CKAP2L: variants seen among roughly 807,000 people sequenced by gnomAD.
CKAP2L encodes cytoskeleton associated protein 2L.
A neutral mutation model predicts 65.7 loss-of-function variants in CKAP2L; 42 were observed. The observed-to-expected ratio is 0.64, with a 90% CI of 0.50 to 0.83. The LOEUF (loss-of-function observed/expected upper bound fraction) is 0.83. Among genes scored for constraint, CKAP2L ranks in the 40% least tolerant of loss-of-function variants. The pLI, the probability that CKAP2L is intolerant of heterozygous loss-of-function variation, is 0.00. For synonymous variants in CKAP2L, 325 were observed against 313.5 expected (o/e 1.04, Z -0.39); for missense variants, 908 against 871.0 (o/e 1.04, Z -0.53).
chr2:112,741,940 G>GTTTTTTTTTTT, intron 7 of CKAP2L, among the ~76,000 whole-genome samples: 1 of 71,900 alleles, frequency 1.4e-5, no homozygotes, highest in Non-Finnish European at 2.5e-5. Flanking sequence ...TTTCTTTTCT[G>GTTTTTTTTTTT]TTTTTTTTTT....
At chr2:112,761,086 C>G (rs996379815) in intron 2 of CKAP2L, among the ~76,000 whole-genome samples, 1 of 151,968 alleles carries the variant, frequency 6.6e-6, no homozygotes, top group Non-Finnish European at 1.5e-5. Context: ...TAGTCTTACT[C>G]ATTCACACAT....
chr2:112,753,103 T>A (rs529051874), intron 4 of CKAP2L, among the ~76,000 whole-genome samples: 1 of 152,176 alleles, frequency 6.6e-6, no homozygotes, highest in Non-Finnish European at 1.5e-5. Flanking sequence ...CCAAGACATA[T>A]AGACCTCATG....
intron 8 of CKAP2L, 58 bp from the exon 9 acceptor site, chr2:112,739,106 T>A: frequency 1.5e-6 from 2 of 1,305,984 alleles, no homozygotes; most frequent in Non-Finnish European, 2.2e-6. Context: ...TTATCTTTAT[T>A]ATTTTTTGTT....
chr2:112,756,450 C>T lies in CKAP2L; in HGVS notation c.921G>A (p.Arg307=). 2 of 1,613,388 alleles carry T rather than the reference C, an allele frequency of 1.2e-6. No individual in the cohort carries two copies. The highest frequency in any genetic ancestry group is 1.1e-5 in the South Asian group (1 of 90,914). The change falls in exon 4 of 9, where the codon AGG becomes AGA. Residue 307 remains arginine, a synonymous_variant. Transcript: ENST00000302450. ...TTTCATTTGGTCTTTCATATTGACT[C>T]CTATTAACCTTTATATCTTTGATGT... ...VKNIKDIKVN[R]SQYERPNETK...
At position 112,760,775 on chromosome 2, in the gene CKAP2L, C is replaced by A. The variant is rs766275387; in HGVS notation, c.105-11G>T. 4.2e-6 allele frequency: 6 copies of A among 1,432,026 alleles called. No individual in the cohort carries two copies. The highest frequency in any genetic ancestry group is 5.8e-6 in the Non-Finnish European group (6 of 1,031,896). 88.7% of individuals were successfully genotyped at this position (1,432,026 alleles called of 1,614,324 possible). A position where few individuals can be genotyped will look rare whatever the true frequency, so the allele number is the denominator to read the frequency against. Reference sequence around the variant, plus strand: ...GATTTTAGATAAGGCCTATAAAAGACAAATTAAAATTAATCCTCAGCACAG... The same window carrying A: ...GATTTTAGATAAGGCCTATAAAAGAAAAATTAAAATTAATCCTCAGCACAG... On this transcript the variant is annotated splice_polypyrimidine_tract_variant and intron_variant, in intron 2 of 8. Coordinates refer to ENST00000302450, the MANE Select transcript of CKAP2L (RefSeq NM_152515.5).
chr2:112,759,258 T>C (rs1680637424), intron 3 of CKAP2L, among the ~76,000 whole-genome samples: 1 of 152,224 alleles, frequency 6.6e-6, no homozygotes. Context: ...GTGTCCTGGT[T>C]TGGACATTAA....
At chr2:112,751,167 T>G (rs1211707834) in intron 5 of CKAP2L, among the ~76,000 whole-genome samples, 1 of 152,180 alleles carries the variant, frequency 6.6e-6, no homozygotes, top group Non-Finnish European at 1.5e-5. Flanking sequence ...ATAAAAATAA[T>G]TCTCATGTCA....
In CKAP2L at chr2:112,753,689, G is replaced by A. The variant is rs112075877; in HGVS notation, c.1395-1215C>T. ...ATTACAGGCGCGTGCCACCACACCCGGCTAATTTTTGTATTTTTAGTAGAG... is the reference window on the plus strand; with the variant it reads ...ATTACAGGCGCGTGCCACCACACCCAGCTAATTTTTGTATTTTTAGTAGAG... On this transcript the variant is annotated intron_variant, in intron 4 of 8. Coordinates refer to ENST00000302450, the MANE Select transcript of CKAP2L (RefSeq NM_152515.5). 9.3e-3 allele frequency among the ~76,000 whole-genome samples: 1,415 copies of A among 151,828 alleles called. 20 individuals carry two copies. The highest frequency in any genetic ancestry group is 0.033 in the African/African-American group (1,346 of 41,406).
chr2:112,751,685 T>C, intron 5 of CKAP2L, among the ~76,000 whole-genome samples: 1 of 152,200 alleles, frequency 6.6e-6, no homozygotes, highest in East Asian at 1.9e-4. Context: ...AAGGACTGAA[T>C]GAGTTTTGCT....
chr2:112,763,030 C>CCT (rs1425528471), intron 1 of CKAP2L, among the ~76,000 whole-genome samples: 1 of 152,196 alleles, frequency 6.6e-6, no homozygotes, highest in East Asian at 1.9e-4. Flanking sequence ...AAGTGACCCT[C>CCT]CTGCTTTGGC....
chr2:112,756,498 T>A lies in CKAP2L; in HGVS notation c.873A>T (p.Ser291=). Residue 291 remains serine, a synonymous_variant, in exon 4 of 9, where the codon TCA becomes TCT. Transcript: ENST00000302450. ...TGTTCTTGACTACTGGTTTCTTTGA[T>A]GACTGAACTTTACTAAGGGTCCGAA... ...HFIRTLSKVQ[S]SKKPVVKNIK... 1 of 1,609,152 alleles carries A rather than the reference T, an allele frequency of 6.2e-7. No homozygotes were observed. Among genetic ancestry groups the A allele is most frequent in the South Asian group, 1.1e-5 (1 of 90,076 alleles).
At position 112,756,050 on chromosome 2, in the gene CKAP2L, C is replaced by G. The variant is rs773843677; in HGVS notation, c.1321G>C (p.Ala441Pro). 1 of 1,613,414 alleles carries G rather than the reference C, an allele frequency of 6.2e-7. No homozygotes were observed. Among genetic ancestry groups the G allele is most frequent in the Non-Finnish European group, 8.5e-7 (1 of 1,179,870 alleles). Residue 441 changes from alanine (A) to proline (P), a missense_variant, in exon 4 of 9, where the codon GCT becomes CCT. By Grantham distance (27) the Ala-to-Pro change is conservative. Coordinates refer to ENST00000302450, the MANE Select transcript of CKAP2L (RefSeq NM_152515.5). ...GTCCCATTTACGGTTGTGACATCAG[C>G]TTGAGTTTTGGGAGCTGTCTTGTTC... ...FLNKTAPKTQADVTTVNGTQT... is the reference protein window; with the variant it reads ...FLNKTAPKTQPDVTTVNGTQT...
intron 5 of CKAP2L, among the ~76,000 whole-genome samples, chr2:112,747,427 T>G (rs1177031616): frequency 6.6e-6 from 1 of 152,160 alleles, no homozygotes; most frequent in Non-Finnish European, 1.5e-5. Flanking sequence ...CACTGAGTAG[T>G]GATGAGAATT....
At chr2:112,752,537 T>C in intron 4 of CKAP2L, 63 bp from the exon 5 acceptor site, 1 of 965,476 alleles carries the variant, frequency 1.0e-6, no homozygotes. Context: ...GCTGCTAAAG[T>C]ATATGATATG....
At chr2:112,747,044 C>A (rs1022192704) in intron 5 of CKAP2L, among the ~76,000 whole-genome samples, 6 of 151,730 alleles carry the variant, frequency 4.0e-5, no homozygotes, top group Non-Finnish European at 7.4e-5. Flanking sequence ...CCACCTCAGC[C>A]TCTTAACGTG....
chr2:112,762,636 T>C, intron 1 of CKAP2L, 67 bp from the exon 2 acceptor site: 1 of 1,292,548 alleles, frequency 7.7e-7, no homozygotes, highest in Non-Finnish European at 1.1e-6. Context: ...TCATTAATAT[T>C]CTAAAAGATG....
intron 7 of CKAP2L, chr2:112,742,387 A>T: frequency 1.4e-6 from 1 of 717,468 alleles, no homozygotes; most frequent in Non-Finnish European, 2.6e-6. Flanking sequence ...CATGTAACTT[A>T]AGGCATTTCT....
rs181470856 is a variant in CKAP2L, at chr2:112,741,791, G to A, written c.1823-784C>T. Among the ~76,000 whole-genome samples the A allele has an allele frequency of 3.3e-5, 5 of 151,614 alleles. No individual in the cohort carries two copies. In the East Asian group the frequency reaches 9.7e-4, roughly 29 times the overall value. On this transcript the variant is annotated intron_variant, in intron 7 of 8. Coordinates refer to ENST00000302450, the MANE Select transcript of CKAP2L (RefSeq NM_152515.5). ...CTCTTTTTTTTTGAGATGGAGTTTC[G>A]CTCTTGTTGTCCAGGCTGGAGTGCA...
intron 5 of CKAP2L, among the ~76,000 whole-genome samples, chr2:112,750,886 A>G (rs1295228028): frequency 1.3e-5 from 2 of 152,128 alleles, no homozygotes; most frequent in Non-Finnish European, 2.9e-5. Flanking sequence ...AGATGCAGAC[A>G]TTGATGCAAG....
Sources: gnomAD v4.1 joint callset for allele counts (sites outside exome capture counted in the v4.1 genomes callset) on GRCh38, gnomAD v4.1.1 for gene constraint, MANE v1.5 for transcripts, NCBI Gene and HGNC (gene_info 2026-07-23, HGNC 2026-07-21) for gene names.